Variants in UST observed in about 807,000 individuals in gnomAD.
UST encodes the protein chondroitin sulfate 2-O-sulfotransferase.
A neutral mutation model predicts 45.6 loss-of-function variants in UST; 21 were observed. The ratio of observed to expected loss-of-function variants is 0.46; its 90% CI spans 0.33 to 0.66. The LOEUF is 0.66. Ranked by LOEUF, UST falls within the 30% of genes least tolerant of loss-of-function variation. The pLI is 0.02. For synonymous variants in UST, 215 were observed against 200.6 expected, an observed-to-expected ratio of 1.07 and a Z score of -0.61; for missense variants, 463 against 512.4, an observed-to-expected ratio of 0.90 and a Z score of 0.93.
chr6:149,021,612 G>A, intron 7 of UST, 131 bp downstream of exon 7: 1 of 1,088,688 alleles, frequency 9.2e-7, no homozygotes, highest in Non-Finnish European at 1.3e-6. Context: ...AGTTCCCTGG[G>A]CTTGCAAAGG....
At chr6:148,884,187 T>C (rs1778872988) in intron 1 of UST, among the ~76,000 whole-genome samples, 1 of 151,846 alleles carries the variant, frequency 6.6e-6, no homozygotes, top group African/African-American at 2.4e-5. Flanking sequence ...ACTGGGCTAA[T>C]GTACTAGTAA....
intron 1 of UST, among the ~76,000 whole-genome samples, chr6:148,883,938 C>T (rs72992389): frequency 6.6e-6 from 1 of 152,032 alleles, no homozygotes; most frequent in African/African-American, 2.4e-5. Flanking sequence ...TCAAGACCAG[C>T]CTGGCCAACA....
intron 5 of UST, among the ~76,000 whole-genome samples, chr6:149,002,522 T>A (rs1582953550): frequency 6.6e-6 from 1 of 152,184 alleles, no homozygotes; most frequent in South Asian, 2.1e-4. Flanking sequence ...TTATTTATTT[T>A]TTGAGATGGT....
intron 3 of UST, among the ~76,000 whole-genome samples, chr6:148,953,579 G>A (rs1169295675): frequency 6.6e-6 from 1 of 152,154 alleles, no homozygotes; most frequent in East Asian, 1.9e-4. Context: ...TCAGAAGTTC[G>A]AGACCACGGT....
chr6:149,011,061 G>A (rs1301727306), intron 5 of UST, among the ~76,000 whole-genome samples: 1 of 117,074 alleles, frequency 8.5e-6, no homozygotes, highest in African/African-American at 3.5e-5. Flanking sequence ...AGCTCCACTG[G>A]ACTAGCGCTC....
rs73600855 is a variant in UST at position 148,750,259 on chromosome 6, C to T, written c.247+2582C>T. Among the ~76,000 whole-genome samples, 911 of 152,284 alleles carry T rather than the reference C, an allele frequency of 6.0e-3. 10 individuals are homozygous for T. Among genetic ancestry groups the T allele is most frequent in the African/African-American group, 0.021 (888 of 41,534 alleles). ...CTATGTCTGACACACAATGGCCACT[C>T]AATAAATATTGGTTGAATTAATGAC... On this transcript the variant is annotated intron_variant, in intron 1 of 7. Transcript: ENST00000367463.
intron 1 of UST, among the ~76,000 whole-genome samples, chr6:148,758,432 T>A (rs1282824176): frequency 1.3e-5 from 2 of 152,340 alleles, no homozygotes; most frequent in South Asian, 2.1e-4. Context: ...AATAGCTGTG[T>A]GGAGGGAGTA....
chr6:148,890,825 T>G (rs1465383115), intron 2 of UST, among the ~76,000 whole-genome samples: 2 of 152,232 alleles, frequency 1.3e-5, no homozygotes, highest in African/African-American at 2.4e-5. Flanking sequence ...ATTTTACCAC[T>G]ACTTTGTATG....
chr6:148,813,917 T>C (rs116446935), intron 1 of UST, among the ~76,000 whole-genome samples: 1,897 of 152,288 alleles, frequency 0.012, 22 homozygotes, highest in African/African-American at 0.03. Flanking sequence ...TAGTCATACA[T>C]TTTGAGTCCA....
intron 1 of UST, among the ~76,000 whole-genome samples, chr6:148,808,062 CG>C (rs1777184452): frequency 6.6e-6 from 1 of 152,074 alleles, no homozygotes; most frequent in East Asian, 2.0e-4. Flanking sequence ...GTTGGGGTTA[CG>C]GGTATCAGTG....
At chr6:148,777,874 A>G (rs1471500150) in intron 1 of UST, among the ~76,000 whole-genome samples, 1 of 152,224 alleles carries the variant, frequency 6.6e-6, no homozygotes, top group Non-Finnish European at 1.5e-5. Flanking sequence ...TAGATACACA[A>G]GTACATACTA....
chr6:148,914,397 G>A (rs1341402213), intron 2 of UST, among the ~76,000 whole-genome samples: 2 of 151,932 alleles, frequency 1.3e-5, no homozygotes, highest in South Asian at 2.1e-4. Context: ...CCATAGATTG[G>A]GGGGTGGGTG....
At chr6:149,021,286 G>A in intron 6 of UST, 38 bp from the exon 7 acceptor site, 10 of 1,551,362 alleles carry the variant, frequency 6.4e-6, no homozygotes, top group Non-Finnish European at 8.7e-6. Context: ...TTTCAAATAT[G>A]AATGTCTGAT....
Position 149,012,579 on chromosome 6 carries a change from T to C in UST, c.682-6560T>C, listed in dbSNP as rs563837769. Reference sequence around the variant, plus strand: ...GAAGACTGGCTCCAAAAATCAATTTTAAGTCCACATTGAAAAAGAGCTTTT... The same window carrying C: ...GAAGACTGGCTCCAAAAATCAATTTCAAGTCCACATTGAAAAAGAGCTTTT... On this transcript the variant is annotated intron_variant, in intron 5 of 7. Transcript: ENST00000367463. 2.0e-5 allele frequency among the ~76,000 whole-genome samples: 3 copies of C among 152,344 alleles called. 1 individual carries two copies. In the South Asian group the frequency reaches 6.2e-4, roughly 32 times the overall value.
chr6:149,027,809 A>G (rs1300096593), intron 7 of UST: 3 of 150,804 alleles, frequency 2.0e-5, no homozygotes, highest in African/African-American at 7.3e-5. Context: ...GTCATAATGC[A>G]GTCAAATGCT....
intron 1 of UST, among the ~76,000 whole-genome samples, chr6:148,782,955 A>T (rs1776671260): frequency 1.3e-5 from 2 of 152,246 alleles, no homozygotes. Flanking sequence ...CTATCAAACC[A>T]CATCATATGC....
chr6:148,893,186 A>C (rs1464474671), intron 2 of UST, among the ~76,000 whole-genome samples: 3 of 152,230 alleles, frequency 2.0e-5, no homozygotes, highest in African/African-American at 7.2e-5. Context: ...TTATGTTTGC[A>C]TATAAAGTAT....
chr6:148,863,507 G>T (rs1582860628), intron 1 of UST, among the ~76,000 whole-genome samples: 1 of 152,136 alleles, frequency 6.6e-6, no homozygotes, highest in Non-Finnish European at 1.5e-5. Flanking sequence ...CTCTCAACTC[G>T]CCAAAGTCAT....
chr6:148,976,515 A>G (rs1781020138), intron 5 of UST, among the ~76,000 whole-genome samples: 1 of 152,204 alleles, frequency 6.6e-6, no homozygotes, highest in Non-Finnish European at 1.5e-5. Flanking sequence ...AGCGTGGTCC[A>G]TCTTGTGCAT....
Sources: gnomAD v4.1 joint callset for allele counts (sites outside exome capture counted in the v4.1 genomes callset) on GRCh38, gnomAD v4.1.1 for gene constraint, MANE v1.5 for transcripts, NCBI Gene and HGNC (gene_info 2026-07-23, HGNC 2026-07-21) for gene names.